The following SLFN12L variants were observed in gnomAD, a reference collection of about 807,000 sequenced individuals.
SLFN12L encodes schlafen family member 12 like, also known as schlafen family member 12-like.
A neutral mutation model predicts 34.8 loss-of-function variants in SLFN12L; 34 were observed. The observed-to-expected ratio is 0.98, with a 90% CI of 0.74 to 1.30. The LOEUF (loss-of-function observed/expected upper bound fraction) is 1.30, where lower values mean the gene tolerates loss of function less well. SLFN12L is among the 50% of genes most tolerant of loss of function. The pLI, the probability that SLFN12L is intolerant of heterozygous loss-of-function variation, is 0.00. For missense variants in SLFN12L, 703 were observed against 696.2 expected (o/e 1.01, Z -0.11); for synonymous variants, 259 against 247.5 (o/e 1.05, Z -0.44).
chr17:35,494,946 C>T (rs914085940), intron 2 of SLFN12L, among the ~76,000 whole-genome samples: 3 of 151,268 alleles, frequency 2.0e-5, no homozygotes, highest in Non-Finnish European at 4.4e-5. Context: ...CCCTTTGTCA[C>T]CCAGGCTGGA....
Position 35,514,446 on chromosome 17 carries a change from C to T in SLFN12L, c.86+7833G>A, listed in dbSNP as rs1411625675. Among the ~76,000 whole-genome samples, 7 of 152,358 alleles carry T rather than the reference C, an allele frequency of 4.6e-5. No homozygotes were observed. The East Asian group carries it at 1.3e-3, about 29-fold the overall frequency. Reference sequence around the variant, plus strand: ...GTTTCTCCTACACTTTTCTGCCTATCTTTCAACACTGAGCCCTGGGTGTTT... The same window carrying T: ...GTTTCTCCTACACTTTTCTGCCTATTTTTCAACACTGAGCCCTGGGTGTTT... On this transcript the variant is annotated intron_variant, in intron 2 of 4. Coordinates refer to ENST00000628453, the MANE Select transcript of SLFN12L (RefSeq NM_001363830.2).
chr17:35,522,104 C>G (rs1001619986), intron 2 of SLFN12L, among the ~76,000 whole-genome samples, 175 bp downstream of exon 2: 4 of 151,852 alleles, frequency 2.6e-5, no homozygotes, highest in African/African-American at 9.7e-5. Context: ...ATGTACCCTA[C>G]AACTTAAAGT....
chr17:35,479,566 G>T lies in SLFN12L; in HGVS notation c.716C>A (p.Thr239Asn), dbSNP rs898436845. ...TTCAACGTGTGTGGATTCAGTAAAGGTCAATTTTTCTTTATAACCAAGTTC... is the reference window on the plus strand; with the variant it reads ...TTCAACGTGTGTGGATTCAGTAAAGTTCAATTTTTCTTTATAACCAAGTTC... Reference protein sequence around the residue: ...RTELGYKEKLTFTESTHVEIK... With the variant: ...RTELGYKEKLNFTESTHVEIK... The change falls in exon 3 of 5, where the codon ACC (threonine) becomes AAC (asparagine). Residue 239 changes from threonine (T) to asparagine (N), a missense_variant. Physicochemically the swap from Thr to Asn is moderately conservative, Grantham distance 65. Coordinates refer to ENST00000628453, the MANE Select transcript of SLFN12L (RefSeq NM_001363830.2). 4 of 1,613,748 alleles carry T rather than the reference G, an allele frequency of 2.5e-6. No individual in the cohort carries two copies. Among genetic ancestry groups the T allele is most frequent in the Middle Eastern group, 1.6e-4 (1 of 6,062 alleles).
Position 35,473,623 on chromosome 17 carries a change from T to A in SLFN12L, c.*1300A>T, listed in dbSNP as rs1056365043. On this transcript the variant is annotated 3_prime_UTR_variant, in exon 5 of 5. Transcript: ENST00000628453. ...TTGGCCTGAAGTTTTCCTTTTTTTA[T>A]TGTGTCCCTACCAGGTTTTGGTATC... 4 of 152,178 alleles carry A rather than the reference T, an allele frequency of 2.6e-5. No homozygotes were observed. The highest frequency in any genetic ancestry group is 4.8e-5 in the African/African-American group (2 of 41,448). The allele number at this position is 152,178 out of a possible 1,614,324, so 9.4% of individuals were successfully genotyped here.
At chr17:35,523,194 A>G in intron 1 of SLFN12L, among the ~76,000 whole-genome samples, 1 of 152,216 alleles carries the variant, frequency 6.6e-6, no homozygotes, top group East Asian at 1.9e-4. Flanking sequence ...AACCTCTCTG[A>G]GACTTTGCTC....
rs376121632 is a variant in SLFN12L, at chr17:35,464,429, C to T, written c.*10494G>A. The T allele has an allele frequency of 1.3e-5, 2 of 149,996 alleles. No individual in the cohort carries two copies. The highest frequency in any genetic ancestry group is 2.2e-4 in the South Asian group (1 of 4,596). The allele number at this position is 149,996 out of a possible 1,614,324, so 9.3% of individuals were successfully genotyped here. A position where few individuals can be genotyped will look rare whatever the true frequency, so the allele number is the denominator to read the frequency against. ...TCCTCTCCCTCCTCCCACCCTCCCC[C>T]CCTCAAATAGACCCCAGTGTCTGCT... On this transcript the variant is annotated 3_prime_UTR_variant, in exon 5 of 5. Coordinates refer to ENST00000628453, the MANE Select transcript of SLFN12L (RefSeq NM_001363830.2).
rs934977934 is a variant in SLFN12L at position 35,470,355 on chromosome 17, G to A, written c.*4568C>T. On this transcript the variant is annotated 3_prime_UTR_variant, in exon 5 of 5. Coordinates refer to ENST00000628453, the MANE Select transcript of SLFN12L (RefSeq NM_001363830.2). The stretch of plus-strand genomic sequence containing the variant: ...CTGCTTCAAATGGGGCTGGCCTGGT[G>A]ATACTGGAGACAATAAATGCGCCTG... 1.3e-5 allele frequency: 2 copies of A among 159,752 alleles called. No individual in the cohort carries two copies. Among genetic ancestry groups the A allele is most frequent in the East Asian group, 1.8e-4 (1 of 5,494 alleles). 9.9% of individuals were successfully genotyped at this position (159,752 alleles called of 1,614,324 possible). A position where few individuals can be genotyped will look rare whatever the true frequency, so the allele number is the denominator to read the frequency against.
intron 2 of SLFN12L, chr17:35,498,205 G>C (rs899193998): frequency 2.7e-6 from 2 of 735,602 alleles, no homozygotes; most frequent in African/African-American, 1.7e-5. Context: ...GGCCGCCTGG[G>C]ATGTTCAGTC....
intron 2 of SLFN12L, among the ~76,000 whole-genome samples, chr17:35,518,135 A>G (rs1455056089): frequency 6.6e-6 from 1 of 152,250 alleles, no homozygotes; most frequent in Non-Finnish European, 1.5e-5. Context: ...AAATTTTTGC[A>G]ATCTACCATC....
At chr17:35,478,354 A>G (rs2142127377) in intron 3 of SLFN12L, 169 bp from the exon 4 acceptor site, 1 of 472,404 alleles carries the variant, frequency 2.1e-6, no homozygotes, top group Non-Finnish European at 3.7e-6. Context: ...CCTAGGTCAG[A>G]TACAAATTGT....
At chr17:35,491,560 C>T (rs1472249265) in intron 2 of SLFN12L, among the ~76,000 whole-genome samples, 2 of 152,172 alleles carry the variant, frequency 1.3e-5, no homozygotes, top group African/African-American at 4.8e-5. Context: ...CCTTCCTCCC[C>T]GGATTGGCTT....
At chr17:35,488,552 T>C (rs1053940647) in intron 2 of SLFN12L, among the ~76,000 whole-genome samples, 8 of 152,140 alleles carry the variant, frequency 5.3e-5, no homozygotes, top group Admixed American at 3.3e-4. Context: ...AATACACGTT[T>C]CTCCAGCCCA....
rs1488809752 is a variant in SLFN12L, at chr17:35,468,346, A to G, written c.*6577T>C. ...TCAACCTGAGTCTGTATTTACTTAA[A>G]AGAAATACTCAAGACCCATATCCTA... On this transcript the variant is annotated 3_prime_UTR_variant, in exon 5 of 5. Transcript: ENST00000628453. 2.0e-5 allele frequency among the ~76,000 whole-genome samples: 3 copies of G among 152,180 alleles called. No homozygotes were observed. The highest frequency in any genetic ancestry group is 4.8e-5 in the African/African-American group (2 of 41,442).
intron 2 of SLFN12L, among the ~76,000 whole-genome samples, chr17:35,512,215 C>A (rs28435904): frequency 8.2e-6 from 1 of 122,676 alleles, no homozygotes; most frequent in Admixed American, 8.8e-5. Context: ...AGTGCAGTGG[C>A]GTGGTCTCAG....
intron 2 of SLFN12L, among the ~76,000 whole-genome samples, chr17:35,504,445 G>A (rs1471807562): frequency 1.3e-5 from 2 of 152,326 alleles, no homozygotes; most frequent in Non-Finnish European, 2.9e-5. Flanking sequence ...AATTAAGCAG[G>A]ATGCCAAGAT....
At position 35,473,213 on chromosome 17, in the gene SLFN12L, A is replaced by G. The variant is rs1041108225; in HGVS notation, c.*1710T>C. ...TTGAATAGGAGTGGTGAGAGAGGGCATTCTTGTCTTGTGCCAATTTTCAAA... is the reference window on the plus strand; with the variant it reads ...TTGAATAGGAGTGGTGAGAGAGGGCGTTCTTGTCTTGTGCCAATTTTCAAA... On this transcript the variant is annotated 3_prime_UTR_variant, in exon 5 of 5. Coordinates refer to ENST00000628453, the MANE Select transcript of SLFN12L (RefSeq NM_001363830.2). Among the ~76,000 whole-genome samples the G allele has an allele frequency of 1.3e-5, 2 of 152,214 alleles. No individual in the cohort carries two copies. The highest frequency in any genetic ancestry group is 2.9e-5 in the Non-Finnish European group (2 of 68,036).
Position 35,474,854 on chromosome 17 carries a change from C to T in SLFN12L, c.*69G>A, listed in dbSNP as rs1273876620. 8 of 1,438,510 alleles carry T rather than the reference C, an allele frequency of 5.6e-6. No individual in the cohort carries two copies. The highest frequency in any genetic ancestry group is 7.3e-6 in the Non-Finnish European group (8 of 1,093,304). The allele number at this position is 1,438,510 out of a possible 1,614,324, so 89.1% of individuals were successfully genotyped here. ...GGCTGAGGCAGGGAATTGCTTGAAC[C>T]CAGGAGGCAGAGGTTGCAGTGAGTC... On this transcript the variant is annotated 3_prime_UTR_variant, in exon 5 of 5. Transcript: ENST00000628453.
chr17:35,489,332 CGCTT>C (rs1411114530), intron 2 of SLFN12L, among the ~76,000 whole-genome samples: 4 of 151,966 alleles, frequency 2.6e-5, no homozygotes, highest in African/African-American at 9.7e-5. Context: ...ACAGGAAGGT[CGCTT>C]GACCCCAGGA....
chr17:35,486,665 C>T (rs996680307), intron 2 of SLFN12L, among the ~76,000 whole-genome samples: 1 of 152,178 alleles, frequency 6.6e-6, no homozygotes, highest in Non-Finnish European at 1.5e-5. Flanking sequence ...ACTCACTGGC[C>T]TCCCTTAAAC....
Sources: allele counts gnomAD v4.1 joint callset (sites outside exome capture counted in the v4.1 genomes callset), GRCh38; gene constraint gnomAD v4.1.1; transcripts MANE v1.5; gene names NCBI Gene and HGNC (gene_info 2026-07-23, HGNC 2026-07-21).